The following GPR63 variants were observed in gnomAD, a reference collection of about 807,000 sequenced individuals.
GPR63 encodes the protein G protein-coupled receptor 63, also known as probable G protein-coupled receptor 63.
A neutral mutation model predicts 23.1 loss-of-function variants in GPR63; 12 were observed. That is an observed-to-expected ratio of 0.52 (90% CI 0.33 to 0.84). GPR63 has a LOEUF of 0.84. Among genes scored for constraint, GPR63 ranks in the 40% least tolerant of loss-of-function variants. The pLI, the probability that GPR63 is intolerant of heterozygous loss-of-function variation, is 0.02. For synonymous variants in GPR63, 172 were observed against 191.1 expected (o/e 0.90, Z 0.82); for missense variants, 472 against 515.6 (o/e 0.92, Z 0.82).
chr6:96,827,753 T>C (rs1774480285), intron 1 of GPR63, among the ~76,000 whole-genome samples: 1 of 152,128 alleles, frequency 6.6e-6, no homozygotes, highest in African/African-American at 2.4e-5. Context: ...ATATTTTTGA[T>C]ACTTCCTTTC....
chr6:96,834,882 T>C (rs907955440), intron 1 of GPR63, among the ~76,000 whole-genome samples: 2 of 152,154 alleles, frequency 1.3e-5, no homozygotes, highest in African/African-American at 4.8e-5. Flanking sequence ...ATTTCACAAA[T>C]TGGAGTACCA....
chr6:96,836,767 C>G (rs1774740731), intron 1 of GPR63, among the ~76,000 whole-genome samples: 1 of 152,172 alleles, frequency 6.6e-6, no homozygotes, highest in Non-Finnish European at 1.5e-5. Context: ...GAGGGAACCT[C>G]TCTTAACTGT....
In GPR63 at chr6:96,796,806, A is replaced by T. The variant is rs906021251; in HGVS notation, c.*1666T>A. 1 of 152,120 alleles carries T rather than the reference A, an allele frequency of 6.6e-6. No individual in the cohort carries two copies. Among genetic ancestry groups the T allele is most frequent in the African/African-American group, 2.4e-5 (1 of 41,398 alleles). 9.4% of individuals were successfully genotyped at this position (152,120 alleles called of 1,614,324 possible). ...CAAGACCTACACATAGCTATCTTTA[A>T]TTTCTCAATAATTGTCAGTCACTTG... is the stretch of plus-strand genomic sequence containing the variant. On this transcript the variant is annotated 3_prime_UTR_variant, in exon 2 of 2. Transcript: ENST00000229955.
intron 1 of GPR63, among the ~76,000 whole-genome samples, chr6:96,825,062 A>C (rs566763316): frequency 1.7e-4 from 26 of 152,274 alleles, no homozygotes; most frequent in African/African-American, 6.3e-4. Context: ...AAACTTATGT[A>C]AAGTTTTTCC....
At chr6:96,803,971 T>C (rs1294699034) in intron 1 of GPR63, among the ~76,000 whole-genome samples, 1 of 152,100 alleles carries the variant, frequency 6.6e-6, no homozygotes, top group Non-Finnish European at 1.5e-5. Context: ...GATATATGCA[T>C]ACATAATACA....
At chr6:96,832,919 G>A (rs555837009) in intron 1 of GPR63, among the ~76,000 whole-genome samples, 36 of 152,188 alleles carry the variant, frequency 2.4e-4, no homozygotes, top group Non-Finnish European at 4.6e-4. Context: ...TATAGAAAAT[G>A]GAGAAACCTG....
intron 1 of GPR63, among the ~76,000 whole-genome samples, chr6:96,828,737 T>G (rs9384732): frequency 0.23 from 34,333 of 151,950 alleles, 4,521 homozygotes; most frequent in East Asian, 0.37. Flanking sequence ...AATGCAAAGA[T>G]CCAGCTATAT....
chr6:96,813,596 T>C (rs917417716), intron 1 of GPR63, among the ~76,000 whole-genome samples: 4 of 152,230 alleles, frequency 2.6e-5, no homozygotes, highest in African/African-American at 9.6e-5. Flanking sequence ...TAGAAAAATG[T>C]TCCATGTGCT....
chr6:96,827,645 A>C (rs1273630365), intron 1 of GPR63, among the ~76,000 whole-genome samples: 1 of 152,156 alleles, frequency 6.6e-6, no homozygotes. Context: ...CTTAGAAGGA[A>C]CCAGAGTTTG....
At chr6:96,829,280 T>C (rs984878137) in intron 1 of GPR63, among the ~76,000 whole-genome samples, 7 of 152,210 alleles carry the variant, frequency 4.6e-5, no homozygotes, top group Admixed American at 2.0e-4. Context: ...ACTGGTAAGA[T>C]ACAGACCACA....
chr6:96,824,329 G>A (rs1368004838), intron 1 of GPR63, among the ~76,000 whole-genome samples: 1 of 152,002 alleles, frequency 6.6e-6, no homozygotes, highest in Non-Finnish European at 1.5e-5. Flanking sequence ...AATATTTAAT[G>A]TTTCTTGAAA....
intron 1 of GPR63, among the ~76,000 whole-genome samples, chr6:96,819,722 G>A (rs1419090949): frequency 7.0e-6 from 1 of 143,228 alleles, no homozygotes; most frequent in Admixed American, 6.8e-5. Context: ...CAACTAAATT[G>A]CCAAAAAAAA....
At chr6:96,822,145 C>A (rs1043774760) in intron 1 of GPR63, among the ~76,000 whole-genome samples, 26 of 151,618 alleles carry the variant, frequency 1.7e-4, no homozygotes, top group African/African-American at 6.0e-4. Context: ...ATAATGAACA[C>A]AAAGAAAAAT....
chr6:96,804,972 T>A (rs1273554634), intron 1 of GPR63, among the ~76,000 whole-genome samples: 1 of 152,150 alleles, frequency 6.6e-6, no homozygotes, highest in Non-Finnish European at 1.5e-5. Flanking sequence ...TTATTCTCCA[T>A]TTTTTTGTTT....
rs759178632 is a variant in GPR63, at chr6:96,796,863, C to G, written c.*1609G>C. The G allele has an allele frequency of 6.6e-6, 1 of 152,106 alleles. No individual in the cohort carries two copies. The highest frequency in any genetic ancestry group is 1.5e-5 in the Non-Finnish European group (1 of 68,026). The allele number at this position is 152,106 out of a possible 1,614,324, so 9.4% of individuals were successfully genotyped here. ...AAATCAAAAACAAAAAAAAAAATCACTGGTTTTGCTTCACAGCCTTATTTA... is the reference window on the plus strand; with the variant it reads ...AAATCAAAAACAAAAAAAAAAATCAGTGGTTTTGCTTCACAGCCTTATTTA... On this transcript the variant is annotated 3_prime_UTR_variant, in exon 2 of 2. Transcript: ENST00000229955.
chr6:96,798,085 GA>G lies in GPR63; in HGVS notation c.*386del, dbSNP rs1002008018. Reference sequence around the variant, plus strand: ...ATGGTAAAAGCAGCAGTGTCTTCCAGAAAAAAAAAGTCTTGATAAACTCAAA... The same window carrying G: ...ATGGTAAAAGCAGCAGTGTCTTCCAGAAAAAAAAGTCTTGATAAACTCAAA... On this transcript the variant is annotated 3_prime_UTR_variant, in exon 2 of 2. Transcript: ENST00000229955. The G allele has an allele frequency of 2.5e-5, 4 of 161,736 alleles. No individual in the cohort carries two copies. The highest frequency in any genetic ancestry group is 1.8e-4 in the East Asian group (1 of 5,654). 10.0% of individuals were successfully genotyped at this position (161,736 alleles called of 1,614,324 possible).
intron 1 of GPR63, among the ~76,000 whole-genome samples, chr6:96,818,145 G>A (rs1435222237): frequency 6.6e-6 from 1 of 151,770 alleles, no homozygotes; most frequent in Non-Finnish European, 1.5e-5. Flanking sequence ...CTTATAGCCA[G>A]AGTAATCCTG....
At chr6:96,811,167 T>C (rs923466990) in intron 1 of GPR63, among the ~76,000 whole-genome samples, 7 of 152,306 alleles carry the variant, frequency 4.6e-5, no homozygotes, top group Admixed American at 3.3e-4. Flanking sequence ...TCATTGCATA[T>C]GCTCTAAAGG....
chr6:96,798,228 C>T lies in GPR63; in HGVS notation c.*244G>A. On this transcript the variant is annotated 3_prime_UTR_variant, in exon 2 of 2. Coordinates refer to ENST00000229955, the MANE Select transcript of GPR63 (RefSeq NM_030784.4). ...AATCAATCAAGGAAAAACCCCAAAA[C>T]CAAAAAAAAGTCTCCTCACCCTAAA... The T allele has an allele frequency of 4.8e-6, 2 of 417,946 alleles. No homozygotes were observed. Among genetic ancestry groups the T allele is most frequent in the Middle Eastern group, 1.3e-3 (2 of 1,528 alleles). 25.9% of individuals were successfully genotyped at this position (417,946 alleles called of 1,614,324 possible).
Sources: gnomAD v4.1 joint callset for allele counts (sites outside exome capture counted in the v4.1 genomes callset) on GRCh38, gnomAD v4.1.1 for gene constraint, MANE v1.5 for transcripts, NCBI Gene and HGNC (gene_info 2026-07-23, HGNC 2026-07-21) for gene names.